The following KRT1 variants were observed in gnomAD, a reference collection of about 807,000 sequenced individuals.
KRT1 encodes the protein keratin 1, also known as keratin, type II cytoskeletal 1.
Under a neutral mutation model 51.6 loss-of-function variants are expected in KRT1, and 28 were observed. The observed-to-expected ratio is 0.54, with a 90% confidence interval of 0.40 to 0.74. The LOEUF (loss-of-function observed/expected upper bound fraction) is 0.74. KRT1 is among the 30% of genes least tolerant of loss of function. The probability of loss-of-function intolerance (pLI) is 0.00; values close to 1 mark genes in which losing one functional copy is unlikely to be tolerated. For synonymous variants in KRT1, 301 were observed against 307.7 expected, an observed-to-expected ratio of 0.98 and a Z score of 0.23; for missense variants, 783 against 815.5, an observed-to-expected ratio of 0.96 and a Z score of 0.49.
At chr12:52,677,599 G>C in intron 4 of KRT1, 51 bp downstream of exon 4, 1 of 1,604,292 alleles carries the variant, frequency 6.2e-7, no homozygotes, top group Non-Finnish European at 8.5e-7. Flanking sequence ...TGTGGGTTCA[G>C]GCTTAAAAAC....
Position 52,679,709 on chromosome 12 carries a change from C to A in KRT1, c.591+49G>T, listed in dbSNP as rs377070374. On this transcript the variant is annotated intron_variant, in intron 1 of 8. Transcript: ENST00000252244. Reference sequence around the variant, plus strand: ...CTACTGTGTTTTGACTGCACCAATCCCAAGTGGACCAGCGGCAGCCCTACC... The same window carrying A: ...CTACTGTGTTTTGACTGCACCAATCACAAGTGGACCAGCGGCAGCCCTACC... 5 of 1,528,150 alleles carry A rather than the reference C, an allele frequency of 3.3e-6. No homozygotes were observed. The African/African-American group carries it at 6.8e-5, about 21-fold the overall frequency. The allele number at this position is 1,528,150 out of a possible 1,614,324, so 94.7% of individuals were successfully genotyped here.
Position 52,675,656 on chromosome 12 carries a change from G to A in KRT1, c.1511-39C>T, listed in dbSNP as rs1451049778. 2.5e-6 allele frequency: 4 copies of A among 1,614,194 alleles called. No homozygotes were observed. The East Asian group carries it at 6.7e-5, about 27-fold the overall frequency. On this transcript the variant is annotated intron_variant, in intron 8 of 8. Coordinates refer to ENST00000252244, the MANE Select transcript of KRT1 (RefSeq NM_006121.4). The stretch of plus-strand genomic sequence containing the variant: ...CTCAGTTATTTTCAACCTCAACTCC[G>A]TTTCCAGCCCAACAAAGCCTGCACA...
chr12:52,675,278 C>T lies in KRT1; in HGVS notation c.1850G>A (p.Gly617Glu), dbSNP rs773681302. ...GSSGGSIGGR[G>E]SSSGGVKSSG... ...GGACTTGACACCCCCAGAGCTGGAT[C>T]CCCGGCCTCCTATGGAGCCTCCAGA... is the stretch of plus-strand genomic sequence containing the variant. Residue 617 changes from glycine to glutamate, a missense_variant, in exon 9 of 9, where the codon GGA becomes GAA. Transcript: ENST00000252244. 2.5e-6 allele frequency: 4 copies of T among 1,613,802 alleles called. No homozygotes were observed. Among genetic ancestry groups the T allele is most frequent in the Non-Finnish European group, 3.4e-6 (4 of 1,180,010 alleles).
intron 4 of KRT1, 66 bp from the exon 5 acceptor site, chr12:52,677,546 G>A: frequency 6.2e-7 from 1 of 1,608,236 alleles, no homozygotes; most frequent in Non-Finnish European, 8.5e-7. Flanking sequence ...GACAGAGAAA[G>A]CAGTCAGAAA....
In KRT1 at chr12:52,679,945, C is replaced by A; in HGVS notation, c.404G>T (p.Gly135Val). ...GGGGFGGGGF[G>V]GGGYGGGYGP... ...ATAACCACCCCCATATCCACCACCCCCAAAGCCACCTCCACCAAAACCACC... is the reference window on the plus strand; with the variant it reads ...ATAACCACCCCCATATCCACCACCCACAAAGCCACCTCCACCAAAACCACC... The change falls in exon 1 of 9, where the codon GGG (glycine) becomes GTG (valine). Residue 135 changes from glycine to valine, a missense_variant. Coordinates refer to ENST00000252244, the MANE Select transcript of KRT1 (RefSeq NM_006121.4). 1 of 1,613,630 alleles carries A rather than the reference C, an allele frequency of 6.2e-7. No individual in the cohort carries two copies. Among genetic ancestry groups the A allele is most frequent in the South Asian group, 1.1e-5 (1 of 91,026 alleles).
At chr12:52,678,502 T>G (rs1335495409) in intron 2 of KRT1, 40 bp downstream of exon 2, 2 of 1,598,078 alleles carry the variant, frequency 1.3e-6, no homozygotes, top group Non-Finnish European at 1.7e-6. Flanking sequence ...GGAACTCTTT[T>G]ACAGCAAAAG....
At chr12:52,677,589 T>A (rs1203066433) in intron 4 of KRT1, 61 bp downstream of exon 4, 2 of 1,603,648 alleles carry the variant, frequency 1.2e-6, no homozygotes, top group Admixed American at 3.3e-5. Flanking sequence ...TCTGAATCGT[T>A]GTGGGTTCAG....
intron 3 of KRT1, 119 bp from the exon 4 acceptor site, chr12:52,677,864 C>T (rs887187971): frequency 2.0e-5 from 18 of 882,898 alleles, no homozygotes; most frequent in Middle Eastern, 2.6e-4. Context: ...CTCCTTTTTG[C>T]CCCAGGTAAA....
Position 52,674,940 on chromosome 12 carries a change from TG to T in KRT1, c.*252del. ...GTGCTTTGAAATGTCATGTGGGTGG[TG>T]GTCACTGCTGAACTGTTTCTCAGGG... On this transcript the variant is annotated 3_prime_UTR_variant, in exon 9 of 9. Transcript: ENST00000252244. 1 of 611,270 alleles carries T rather than the reference TG, an allele frequency of 1.6e-6. No homozygotes were observed. Among genetic ancestry groups the T allele is most frequent in the Non-Finnish European group, 2.9e-6 (1 of 344,542 alleles). 37.9% of individuals were successfully genotyped at this position (611,270 alleles called of 1,614,324 possible). A position where few individuals can be genotyped will look rare whatever the true frequency, so the allele number is the denominator to read the frequency against.
chr12:52,677,031 C>A (rs753826105), intron 6 of KRT1, 28 bp downstream of exon 6: 1 of 1,610,476 alleles, frequency 6.2e-7, no homozygotes, highest in Admixed American at 1.7e-5. Context: ...TTCCATACAG[C>A]TGAGTGGTAG....
Position 52,678,548 on chromosome 12 carries a change from C to T in KRT1, c.800G>A (p.Arg267Gln), listed in dbSNP as rs60359468. 5.6e-5 allele frequency: 90 copies of T among 1,614,048 alleles called. No homozygotes were observed. Among genetic ancestry groups the T allele is most frequent in the South Asian group, 3.2e-4 (29 of 91,078 alleles). Residue 267 changes from arginine to glutamine, a missense_variant, in exon 2 of 9, where the codon CGG becomes CAG. Arg to Gln is a conservative substitution (Grantham distance 43). Coordinates refer to ENST00000252244, the MANE Select transcript of KRT1 (RefSeq NM_006121.4). ...CCCAGACAGGGTCCCTTACTTGTTC[C>T]GGTAATCCTCCACCATGTCCTGCAT... Reference protein sequence around the residue: ...KNMQDMVEDYRNKYEDEINKR... With the variant: ...KNMQDMVEDYQNKYEDEINKR...
rs926066794 is a variant in KRT1, at chr12:52,675,816, C to T, written c.1476-72G>A. 3.0e-5 allele frequency: 47 copies of T among 1,559,242 alleles called. No homozygotes were observed. In the African/African-American group the frequency reaches 5.6e-4, roughly 18 times the overall value. The stretch of plus-strand genomic sequence containing the variant: ...AACCGCTTCCCCATTCCCCGCTCCA[C>T]CACCTTGAAGACTTTCCCCATCTGG... On this transcript the variant is annotated intron_variant, in intron 7 of 8. Coordinates refer to ENST00000252244, the MANE Select transcript of KRT1 (RefSeq NM_006121.4).
chr12:52,677,620 G>A (rs773500895), intron 4 of KRT1, 30 bp downstream of exon 4: 1 of 1,610,062 alleles, frequency 6.2e-7, no homozygotes, highest in South Asian at 1.1e-5. Context: ...TCTCCATTTA[G>A]ATAAACTTGG....
intron 6 of KRT1, among the ~76,000 whole-genome samples, 155 bp downstream of exon 6, chr12:52,676,904 G>A (rs597685): frequency 0.34 from 52,018 of 152,050 alleles, 9,072 homozygotes; most frequent in East Asian, 0.59. Flanking sequence ...CATGATGGCT[G>A]CATTCTGGAA....
At chr12:52,678,101 A>G (rs1941537500) in intron 3 of KRT1, 62 bp downstream of exon 3, 12 of 1,524,482 alleles carry the variant, frequency 7.9e-6, no homozygotes, top group South Asian at 1.1e-5. Flanking sequence ...CTGCTTAGTA[A>G]TTGGAGACCC....
At chr12:52,676,171 A>G (rs533609800) in intron 7 of KRT1, 104 bp downstream of exon 7, 312 of 972,040 alleles carry the variant, frequency 3.2e-4, no homozygotes, top group Non-Finnish European at 4.8e-4. Flanking sequence ...ATTTCCCCAT[A>G]CCCAGCACAA....
rs560224672 is a variant in KRT1, at chr12:52,675,535, G to T, written c.1593C>A (p.Ser531Arg). 5 of 1,610,676 alleles carry T rather than the reference G, an allele frequency of 3.1e-6. No individual in the cohort carries two copies. The South Asian group carries it at 5.5e-5, about 18-fold the overall frequency. Residue 531 changes from serine to arginine, a missense_variant, in exon 9 of 9, where the codon AGC becomes AGA. Ser to Arg is a moderately radical substitution (Grantham distance 110, BLOSUM62 -1). Transcript: ENST00000252244. ...GGGGYGSGGS[S>R]YGSGGGSYGS... Reference sequence around the variant, plus strand: ...CATAGCTACCACCTCCGGAGCCATAGCTGCTACCTCCAGAGCCGTAGCCAC... The same window carrying T: ...CATAGCTACCACCTCCGGAGCCATATCTGCTACCTCCAGAGCCGTAGCCAC...
chr12:52,678,745 C>T lies in KRT1; in HGVS notation c.603G>A (p.Leu201=). 6.2e-7 allele frequency: 1 copy of T among 1,613,940 alleles called. No homozygotes were observed. Among genetic ancestry groups the T allele is most frequent in the Non-Finnish European group, 8.5e-7 (1 of 1,180,000 alleles). Residue 201 remains leucine, a synonymous_variant, in exon 2 of 9, where the codon CTG becomes CTA. Transcript: ENST00000252244. The part of the protein sequence containing the change: ...FASFIDKVRF[L]EQQNQVLQTK... ...TTTGCAGTACCTGGTTCTGCTGCTC[C>T]AGGAACCTCACCTAAAAACACAAGA... is the stretch of plus-strand genomic sequence containing the variant.
chr12:52,678,228 A>G lies in KRT1; in HGVS notation c.807-5T>C, dbSNP rs1941539193. 6.2e-7 allele frequency: 1 copy of G among 1,613,876 alleles called. No individual in the cohort carries two copies. Among genetic ancestry groups the G allele is most frequent in the African/African-American group, 1.3e-5 (1 of 74,930 alleles). On this transcript the variant is annotated splice_region_variant and splice_polypyrimidine_tract_variant and intron_variant, in intron 2 of 8. Transcript: ENST00000252244. ...TTGTTGATTTCATCCTCATACCTGC[A>G]GGAAAGCAGAAACAATTAGGAGATT...
Sources: gnomAD v4.1 joint callset for allele counts (sites outside exome capture counted in the v4.1 genomes callset) on GRCh38, gnomAD v4.1.1 for gene constraint, MANE v1.5 for transcripts, NCBI Gene and HGNC (gene_info 2026-07-23, HGNC 2026-07-21) for gene names.